The following PDE6D variants were observed in gnomAD, a reference collection of about 807,000 sequenced individuals.
The protein encoded by PDE6D is retinal rod rhodopsin-sensitive cGMP 3',5'-cyclic phosphodiesterase subunit delta.
Under a neutral mutation model 21.9 loss-of-function variants are expected in PDE6D, and 10 were observed. The observed-to-expected ratio is 0.46, with a 90% CI of 0.28 to 0.78. PDE6D has a LOEUF of 0.78. Ranked by LOEUF, PDE6D falls within the 30% of genes least tolerant of loss-of-function variation. PDE6D has a pLI of 0.12. For missense variants in PDE6D, 139 were observed against 184.8 expected (o/e 0.75, Z 1.44); for synonymous variants, 59 against 63.5 (o/e 0.93, Z 0.34).
Position 231,781,221 on chromosome 2 carries a change from C to T in PDE6D, c.-107G>A. ...CGCAGCCCGGCTTGGAGACCTCGGG[C>T]TAGCAGCCGCAGCGGCCAGACCAGG... On this transcript the variant is annotated 5_prime_UTR_variant, in exon 1 of 5. Transcript: ENST00000287600. 1.9e-6 allele frequency: 2 copies of T among 1,075,076 alleles called. No individual in the cohort carries two copies. The highest frequency in any genetic ancestry group is 1.3e-5 in the South Asian group (1 of 74,634). 66.6% of individuals were successfully genotyped at this position (1,075,076 alleles called of 1,614,324 possible). A position where few individuals can be genotyped will look rare whatever the true frequency, so the allele number is the denominator to read the frequency against.
At chr2:231,757,384 G>A (rs947530145) in intron 1 of PDE6D, among the ~76,000 whole-genome samples, 4 of 152,034 alleles carry the variant, frequency 2.6e-5, no homozygotes, top group African/African-American at 9.7e-5. Flanking sequence ...TGCAACCTCC[G>A]CCTCCCAGGT....
At chr2:231,757,179 C>T (rs1010700768) in intron 1 of PDE6D, among the ~76,000 whole-genome samples, 6 of 152,054 alleles carry the variant, frequency 3.9e-5, no homozygotes, top group African/African-American at 1.2e-4. Context: ...AGGCTGGTTT[C>T]GAACTCCTGG....
rs575504693 is a variant in PDE6D at position 231,770,465 on chromosome 2, T to C, written c.50+10600A>G. Among the ~76,000 whole-genome samples the C allele has an allele frequency of 1.1e-4, 16 of 152,264 alleles. No homozygotes were observed. In the East Asian group the frequency reaches 3.1e-3, roughly 29 times the overall value. On this transcript the variant is annotated intron_variant, in intron 1 of 4. Transcript: ENST00000287600. ...GGGAAAAAAAAGAATATAGGAGATA[T>C]GACCACATTAGAAGAGGATAATTTT...
rs138963287 is a variant in PDE6D at position 231,748,009 on chromosome 2, T to G, written c.51-8821A>C. ...CTGTAAGTCCAATTAAAGCTTTTTTTTTGTTGTTCCCAGTTTCGGGTATGT... is the reference window on the plus strand; with the variant it reads ...CTGTAAGTCCAATTAAAGCTTTTTTGTTGTTGTTCCCAGTTTCGGGTATGT... On this transcript the variant is annotated intron_variant, in intron 1 of 4. Transcript: ENST00000287600. 4.8e-3 allele frequency among the ~76,000 whole-genome samples: 724 copies of G among 152,348 alleles called. 9 individuals carry two copies. The highest frequency in any genetic ancestry group is 0.011 in the South Asian group (53 of 4,832).
At chr2:231,773,563 G>A (rs1195426145) in intron 1 of PDE6D, among the ~76,000 whole-genome samples, 1 of 152,144 alleles carries the variant, frequency 6.6e-6, no homozygotes, top group Non-Finnish European at 1.5e-5. Flanking sequence ...TTCTAAGTGA[G>A]TAAATAGAAG....
chr2:231,734,646 C>G (rs1252652988), intron 4 of PDE6D, among the ~76,000 whole-genome samples: 1 of 149,736 alleles, frequency 6.7e-6, no homozygotes, highest in Non-Finnish European at 1.5e-5. Flanking sequence ...TCGAGACCAT[C>G]CTGGCTAACA....
intron 1 of PDE6D, among the ~76,000 whole-genome samples, chr2:231,753,850 T>C (rs1046547218): frequency 1.3e-5 from 2 of 152,206 alleles, no homozygotes; most frequent in Admixed American, 6.5e-5. Flanking sequence ...TAGCTTAGTA[T>C]TGAAAGTTTA....
intron 1 of PDE6D, among the ~76,000 whole-genome samples, chr2:231,768,268 C>T (rs2048988242): frequency 6.6e-6 from 1 of 152,170 alleles, no homozygotes; most frequent in African/African-American, 2.4e-5. Context: ...GGTCCTCATC[C>T]TTCCTCATTC....
intron 1 of PDE6D, among the ~76,000 whole-genome samples, chr2:231,751,155 A>G (rs2048837180): frequency 6.6e-6 from 1 of 151,478 alleles, no homozygotes; most frequent in East Asian, 1.9e-4. Context: ...TTATTTTAGA[A>G]TAGTTTTTTT....
In PDE6D at chr2:231,739,633, C is replaced by T. The variant is rs2048731551; in HGVS notation, c.51-445G>A. Among the ~76,000 whole-genome samples the T allele has an allele frequency of 7.4e-6, 1 of 135,596 alleles. No homozygotes were observed. The highest frequency in any genetic ancestry group is 7.3e-5 in the Admixed American group (1 of 13,716). The allele number at this position is 135,596 out of a possible 152,430, so 89.0% of individuals were successfully genotyped here. A position where few individuals can be genotyped will look rare whatever the true frequency, so the allele number is the denominator to read the frequency against. ...TCTCAAATTGCTTTGTAGTGGCCCC[C>T]TCTGTTTTTTTTTTTTGAAACAGAG... On this transcript the variant is annotated intron_variant, in intron 1 of 4. Coordinates refer to ENST00000287600, the MANE Select transcript of PDE6D (RefSeq NM_002601.4). This position sits in a 1 kb window ranked among gnomAD's most constrained non-coding sequence, Gnocchi z 4.2.
At chr2:231,753,121 G>A (rs1374515437) in intron 1 of PDE6D, among the ~76,000 whole-genome samples, 12 of 149,904 alleles carry the variant, frequency 8.0e-5, no homozygotes, top group Admixed American at 4.7e-4. Flanking sequence ...GTGAGCCACC[G>A]CACCCGGCCT....
intron 3 of PDE6D, 43 bp from the exon 4 acceptor site, chr2:231,737,335 A>G: frequency 9.3e-7 from 1 of 1,072,390 alleles, no homozygotes; most frequent in Non-Finnish European, 1.4e-6. Context: ...GTGCCCCAGT[A>G]TAAAGTTTAA....
At chr2:231,749,213 G>C (rs754239200) in intron 1 of PDE6D, among the ~76,000 whole-genome samples, 1 of 152,178 alleles carries the variant, frequency 6.6e-6, no homozygotes, top group African/African-American at 2.4e-5. Flanking sequence ...CAGAGGCGGA[G>C]CTGCCCAAGA....
intron 1 of PDE6D, among the ~76,000 whole-genome samples, chr2:231,771,596 A>G (rs2049016183): frequency 6.6e-6 from 1 of 152,208 alleles, no homozygotes; most frequent in Non-Finnish European, 1.5e-5. Flanking sequence ...GCTAATTTAT[A>G]TTACAGCTAT....
At chr2:231,764,417 A>C (rs1026439265) in intron 1 of PDE6D, among the ~76,000 whole-genome samples, 3 of 152,210 alleles carry the variant, frequency 2.0e-5, no homozygotes, top group Admixed American at 2.0e-4. Flanking sequence ...CACATTTCTG[A>C]GGAACACAGA....
At chr2:231,740,871 T>C (rs192230530) in intron 1 of PDE6D, among the ~76,000 whole-genome samples, 3 of 151,076 alleles carry the variant, frequency 2.0e-5, no homozygotes, top group African/African-American at 7.3e-5. Flanking sequence ...CCAGGAGCGA[T>C]GGCTCACCTG....
intron 1 of PDE6D, among the ~76,000 whole-genome samples, chr2:231,744,061 A>AT (rs1410385975): frequency 1.3e-5 from 2 of 152,232 alleles, no homozygotes; most frequent in African/African-American, 4.8e-5. Context: ...CAATAAGACT[A>AT]AACAAAACTA....
chr2:231,772,897 T>C (rs1363963824), intron 1 of PDE6D, among the ~76,000 whole-genome samples: 1 of 152,196 alleles, frequency 6.6e-6, no homozygotes, highest in Admixed American at 6.5e-5. Flanking sequence ...TATCTAATTA[T>C]ACACTAAATT....
At position 231,756,869 on chromosome 2, in the gene PDE6D, T is replaced by C. The variant is rs1388148582; in HGVS notation, c.51-17681A>G. ...GTGAAGTCAAGCTCTATGTGTTAGG[T>C]TTAAGTGCTCAAAAAAAAAAAAAAG... is the stretch of plus-strand genomic sequence containing the variant. On this transcript the variant is annotated intron_variant, in intron 1 of 4. Coordinates refer to ENST00000287600, the MANE Select transcript of PDE6D (RefSeq NM_002601.4). Among the ~76,000 whole-genome samples, 3 of 144,702 alleles carry C rather than the reference T, an allele frequency of 2.1e-5. No individual in the cohort carries two copies. The East Asian group carries it at 5.8e-4, about 28-fold the overall frequency. The allele number at this position is 144,702 out of a possible 152,430, so 94.9% of individuals were successfully genotyped here. A position where few individuals can be genotyped will look rare whatever the true frequency, so the allele number is the denominator to read the frequency against.
Sources: allele counts gnomAD v4.1 joint callset (sites outside exome capture counted in the v4.1 genomes callset), GRCh38; gene constraint gnomAD v4.1.1; non-coding constraint Gnocchi (gnomAD v3.1); transcripts MANE v1.5; gene names NCBI Gene and HGNC (gene_info 2026-07-23, HGNC 2026-07-21).